The following HSPA12B variants were observed in gnomAD, a reference collection of about 807,000 sequenced individuals.
The protein encoded by HSPA12B is heat shock protein family A (Hsp70) member 12B.
A neutral mutation model predicts 69.3 loss-of-function variants in HSPA12B; 54 were observed. The observed-to-expected ratio is 0.78, with a 90% CI of 0.63 to 0.98. The LOEUF (loss-of-function observed/expected upper bound fraction) is 0.98, where lower values mean the gene tolerates loss of function less well. HSPA12B is among the 50% of genes least tolerant of loss of function. The pLI is 0.00. For missense variants in HSPA12B, 929 were observed against 999.8 expected (o/e 0.93, Z 0.96); for synonymous variants, 441 against 436.5 (o/e 1.01, Z -0.13).
In HSPA12B at chr20:3,740,463, C is replaced by T. The variant is rs775802200; in HGVS notation, c.44-352C>T. Among the ~76,000 whole-genome samples the T allele has an allele frequency of 8.5e-5, 13 of 152,152 alleles. No individual in the cohort carries two copies. Among genetic ancestry groups the T allele is most frequent in the Non-Finnish European group, 1.3e-4 (9 of 68,012 alleles). On this transcript the variant is annotated intron_variant, in intron 2 of 12. Coordinates refer to ENST00000254963, the MANE Select transcript of HSPA12B (RefSeq NM_052970.5). This position sits in a 1 kb window ranked among gnomAD's most constrained non-coding sequence, Gnocchi z 4.9. ...ACTCCCTCCCAGGAGCTCACCTGCC[C>T]TATCTCCCCTGCCCTTCCATCTCTG...
rs149068732 is a variant in HSPA12B at position 3,749,287 on chromosome 20, C to T, written c.906C>T (p.Gly302=). 2.5e-6 allele frequency: 4 copies of T among 1,613,560 alleles called. No individual in the cohort carries two copies. The highest frequency in any genetic ancestry group is 2.7e-5 in the African/African-American group (2 of 74,884). The change falls in exon 9 of 13, where the codon GGC becomes GGT. Residue 302 remains glycine, a synonymous_variant. Transcript: ENST00000254963. The surrounding 1 kb of genome is among the most constrained non-coding windows in gnomAD (Gnocchi z 5.5). ...GCCGCACGTTCCTGGTGGAGTCAGG[C>T]GTAGGAGAGCTGTGGGCAGAGATGC... The part of the protein sequence containing the change: ...RHSRTFLVES[G]VGELWAEMQA...
intron 3 of HSPA12B, among the ~76,000 whole-genome samples, chr20:3,742,058 A>G (rs2088211089): frequency 6.6e-6 from 1 of 151,960 alleles, no homozygotes; most frequent in African/African-American, 2.4e-5. Flanking sequence ...GCTTGAGCCA[A>G]ACCCTGCCTG....
intron 1 of HSPA12B, among the ~76,000 whole-genome samples, chr20:3,735,957 C>T (rs1338367848): frequency 4.6e-5 from 7 of 152,166 alleles, no homozygotes; most frequent in African/African-American, 1.4e-4. Context: ...GCTCCTCCCT[C>T]GAGACCTTGA....
chr20:3,751,683 G>A lies in HSPA12B; in HGVS notation c.1578G>A (p.Leu526=). 6.7e-7 allele frequency: 1 copy of A among 1,495,162 alleles called. No homozygotes were observed. Among genetic ancestry groups the A allele is most frequent in the Non-Finnish European group, 8.9e-7 (1 of 1,126,308 alleles). The allele number at this position is 1,495,162 out of a possible 1,614,324, so 92.6% of individuals were successfully genotyped here. A position where few individuals can be genotyped will look rare whatever the true frequency, so the allele number is the denominator to read the frequency against. ...VGLTILKGAV[L]FGQAPGVVRV... is the part of the protein sequence containing the mutation. ...TCACCATCCTCAAAGGCGCGGTGCT[G>A]TTCGGCCAGGCGCCGGGCGTGGTGC... is the stretch of plus-strand genomic sequence containing the variant. Residue 526 remains leucine, a synonymous_variant, in exon 13 of 13, where the codon CTG becomes CTA. Transcript: ENST00000254963.
At chr20:3,741,211 C>A (rs958780632) in intron 3 of HSPA12B, among the ~76,000 whole-genome samples, 2 of 152,082 alleles carry the variant, frequency 1.3e-5, no homozygotes, top group African/African-American at 4.8e-5. Flanking sequence ...CAAGTGTTCC[C>A]CTGAGCATGT....
rs2146561523 is a variant in HSPA12B, at chr20:3,740,057, T to A, written c.44-758T>A. On this transcript the variant is annotated intron_variant, in intron 2 of 12. Transcript: ENST00000254963. The surrounding 1 kb of genome is among the most constrained non-coding windows in gnomAD (Gnocchi z 4.9). ...GGGCTGTCCTCCAGGGCTACTCCAC[T>A]CCCTCCCACCAAAGGTCCAGCTCAG... Among the ~76,000 whole-genome samples, 1 of 152,070 alleles carries A rather than the reference T, an allele frequency of 6.6e-6. No homozygotes were observed. Among genetic ancestry groups the A allele is most frequent in the East Asian group, 1.9e-4 (1 of 5,164 alleles).
chr20:3,734,038 C>G (rs113895929), intron 1 of HSPA12B, among the ~76,000 whole-genome samples: 1 of 152,202 alleles, frequency 6.6e-6, no homozygotes, highest in Non-Finnish European at 1.5e-5. Flanking sequence ...CAAGGTGGCT[C>G]ACGCCTGTAA....
Position 3,740,196 on chromosome 20 carries a change from C to A in HSPA12B, c.44-619C>A, listed in dbSNP as rs369102575. Among the ~76,000 whole-genome samples the A allele has an allele frequency of 4.6e-5, 7 of 152,200 alleles. No individual in the cohort carries two copies. The highest frequency in any genetic ancestry group is 1.7e-4 in the African/African-American group (7 of 41,528). On this transcript the variant is annotated intron_variant, in intron 2 of 12. Coordinates refer to ENST00000254963, the MANE Select transcript of HSPA12B (RefSeq NM_052970.5). This position sits in a 1 kb window ranked among gnomAD's most constrained non-coding sequence, Gnocchi z 4.9. Reference sequence around the variant, plus strand: ...ATCAGACTTCCTAATGTTGTGGACACCCCCAGTTCAGGACTGGGCTATCTC... The same window carrying A: ...ATCAGACTTCCTAATGTTGTGGACAACCCCAGTTCAGGACTGGGCTATCTC...
At chr20:3,742,142 G>A (rs1344165247) in intron 3 of HSPA12B, 142 bp from the exon 4 acceptor site, 12 of 1,247,178 alleles carry the variant, frequency 9.6e-6, no homozygotes, top group African/African-American at 1.5e-5. Flanking sequence ...AGGTGGGCAG[G>A]TGGGGTGGGC....
In HSPA12B at chr20:3,737,177, G is replaced by A. The variant is rs995995574; in HGVS notation, c.-17-1481G>A. ...TTCTGCATTTCTAACAAGCTTCCAG[G>A]TGATACCAATGCTGCTGATCCTCAG... is the stretch of plus-strand genomic sequence containing the variant. On this transcript the variant is annotated intron_variant, in intron 1 of 12. Coordinates refer to ENST00000254963, the MANE Select transcript of HSPA12B (RefSeq NM_052970.5). The surrounding 1 kb of genome is among the most constrained non-coding windows in gnomAD (Gnocchi z 4.1). 3.3e-5 allele frequency among the ~76,000 whole-genome samples: 5 copies of A among 152,174 alleles called. No homozygotes were observed. Among genetic ancestry groups the A allele is most frequent in the Non-Finnish European group, 5.9e-5 (4 of 68,038 alleles).
intron 1 of HSPA12B, among the ~76,000 whole-genome samples, chr20:3,735,404 T>C (rs2088093601): frequency 6.6e-6 from 1 of 151,512 alleles, no homozygotes; most frequent in South Asian, 2.1e-4. Flanking sequence ...TTCCGATAGC[T>C]GGGAAGAGTA....
In HSPA12B at chr20:3,749,963, C is replaced by T; in HGVS notation, c.1043-6C>T. On this transcript the variant is annotated splice_region_variant and splice_polypyrimidine_tract_variant and intron_variant, in intron 10 of 12. Transcript: ENST00000254963. This position sits in a 1 kb window ranked among gnomAD's most constrained non-coding sequence, Gnocchi z 5.5. ...GACGCCCTCTTCGCCCCCTGCTCCA[C>T]CCCAGGGGGCCCTTATGGCGCGGTG... 1 of 1,559,886 alleles carries T rather than the reference C, an allele frequency of 6.4e-7. No individual in the cohort carries two copies. Among genetic ancestry groups the T allele is most frequent in the South Asian group, 1.2e-5 (1 of 85,698 alleles).
rs1385916250 is a variant in HSPA12B, at chr20:3,744,391, G to A, written c.267-511G>A. Among the ~76,000 whole-genome samples the A allele has an allele frequency of 2.0e-5, 3 of 152,196 alleles. No homozygotes were observed. On this transcript the variant is annotated intron_variant, in intron 4 of 12. Transcript: ENST00000254963. This position sits in a 1 kb window ranked among gnomAD's most constrained non-coding sequence, Gnocchi z 4.9. Reference sequence around the variant, plus strand: ...GGCTAAGGACACATCCAGGAACACTGTCTCTGTCCTGTGGAGGTGACAGTC... The same window carrying A: ...GGCTAAGGACACATCCAGGAACACTATCTCTGTCCTGTGGAGGTGACAGTC...
chr20:3,745,351 G>T lies in HSPA12B; in HGVS notation c.454-142G>T. The stretch of plus-strand genomic sequence containing the variant: ...GGCTAAGGAGAGGGGTCGGGGCAGA[G>T]CTAATGTCACATGGGGCAAGAGTGG... On this transcript the variant is annotated intron_variant, in intron 5 of 12. Transcript: ENST00000254963. The surrounding 1 kb of genome is among the most constrained non-coding windows in gnomAD (Gnocchi z 5.6). 1.4e-6 allele frequency: 1 copy of T among 699,428 alleles called. No individual in the cohort carries two copies. The allele number at this position is 699,428 out of a possible 1,614,324, so 43.3% of individuals were successfully genotyped here.
rs1355511770 is a variant in HSPA12B at position 3,737,945 on chromosome 20, G to T, written c.-17-713G>T. On this transcript the variant is annotated intron_variant, in intron 1 of 12. Transcript: ENST00000254963. The surrounding 1 kb of genome is among the most constrained non-coding windows in gnomAD (Gnocchi z 4.1). ...TTGAACCTGGGAGGCAGAGGTTGCA[G>T]TGAGCCAAGATCGTGCCACTGCATT... 6.6e-6 allele frequency among the ~76,000 whole-genome samples: 1 copy of T among 152,218 alleles called. No individual in the cohort carries two copies. The highest frequency in any genetic ancestry group is 1.5e-5 in the Non-Finnish European group (1 of 68,042).
rs1307146776 is a variant in HSPA12B at position 3,744,047 on chromosome 20, C to T, written c.267-855C>T. The stretch of plus-strand genomic sequence containing the variant: ...TCAAGGACCTTGGGACCTCAAGACC[C>T]CAGTCCTCTGAATATGTCCTAGAGG... On this transcript the variant is annotated intron_variant, in intron 4 of 12. Coordinates refer to ENST00000254963, the MANE Select transcript of HSPA12B (RefSeq NM_052970.5). This position sits in a 1 kb window ranked among gnomAD's most constrained non-coding sequence, Gnocchi z 4.9. Among the ~76,000 whole-genome samples the T allele has an allele frequency of 6.6e-6, 1 of 152,162 alleles. No homozygotes were observed. Among genetic ancestry groups the T allele is most frequent in the Non-Finnish European group, 1.5e-5 (1 of 68,036 alleles).
chr20:3,745,011 T>C lies in HSPA12B; in HGVS notation c.376T>C (p.Tyr126His), dbSNP rs1274692758. The C allele has an allele frequency of 3.1e-6, 5 of 1,613,924 alleles. No individual in the cohort carries two copies. The South Asian group carries it at 5.5e-5, about 18-fold the overall frequency. Reference protein sequence around the residue: ...HSFGYTARDYYHDLDPEEARD... With the variant: ...HSFGYTARDYHHDLDPEEARD... Reference sequence around the variant, plus strand: ...CTTTGGCTACACCGCCCGCGATTACTACCATGACCTGGACCCCGAAGAGGC... The same window carrying C: ...CTTTGGCTACACCGCCCGCGATTACCACCATGACCTGGACCCCGAAGAGGC... The change falls in exon 5 of 13, where the codon TAC becomes CAC. Residue 126 changes from tyrosine to histidine, a missense_variant. By Grantham distance (83) the Tyr-to-His change is moderately conservative (BLOSUM62 2). Coordinates refer to ENST00000254963, the MANE Select transcript of HSPA12B (RefSeq NM_052970.5). The surrounding 1 kb of genome is among the most constrained non-coding windows in gnomAD (Gnocchi z 5.6).
At position 3,749,982 on chromosome 20, in the gene HSPA12B, C is replaced by T. The variant is rs1483916444; in HGVS notation, c.1056C>T (p.Gly352=). 3 of 1,568,882 alleles carry T rather than the reference C, an allele frequency of 1.9e-6. No homozygotes were observed. Among genetic ancestry groups the T allele is most frequent in the Admixed American group, 1.9e-5 (1 of 53,812 alleles). Residue 352 remains glycine, a synonymous_variant, in exon 11 of 13, where the codon GGC becomes GGT. Transcript: ENST00000254963. This position sits in a 1 kb window ranked among gnomAD's most constrained non-coding sequence, Gnocchi z 5.5. ...ELYKASGGPY[G]AVGVDLAFEQ... Reference sequence around the variant, plus strand: ...GCTCCACCCCAGGGGGCCCTTATGGCGCGGTGGGCGTGGACCTGGCCTTCG... The same window carrying T: ...GCTCCACCCCAGGGGGCCCTTATGGTGCGGTGGGCGTGGACCTGGCCTTCG...
At chr20:3,748,489 C>T in intron 8 of HSPA12B, 98 bp downstream of exon 8, 2 of 1,180,266 alleles carry the variant, frequency 1.7e-6, no homozygotes, top group Non-Finnish European at 2.2e-6. Flanking sequence ...AGAGGGTACC[C>T]ACCCTGGAGG....
Sources: gnomAD v4.1 joint callset for allele counts (sites outside exome capture counted in the v4.1 genomes callset) on GRCh38, gnomAD v4.1.1 for gene constraint, Gnocchi (gnomAD v3.1) non-coding constraint, MANE v1.5 for transcripts, NCBI Gene and HGNC (gene_info 2026-07-23, HGNC 2026-07-21) for gene names.